Variants in CHD1L observed in about 807,000 individuals in gnomAD.
The protein encoded by CHD1L is ATP-dependent chromatin remodeler CHD1L.
Under a neutral mutation model 115.9 loss-of-function variants are expected in CHD1L, and 118 were observed. The ratio of observed to expected loss-of-function variants is 1.02; its 90% CI spans 0.88 to 1.19. The LOEUF is 1.19. CHD1L is among the 50% of genes most tolerant of loss of function. The pLI, the probability that CHD1L is intolerant of heterozygous loss-of-function variation, is 0.00. For synonymous variants in CHD1L, 411 were observed against 387.1 expected (o/e 1.06, Z -0.72); for missense variants, 1,179 against 1,065.3 (o/e 1.11, Z -1.49).
intron 14 of CHD1L, among the ~76,000 whole-genome samples, chr1:147,277,950 G>C (rs754313132): frequency 5.0e-4 from 76 of 152,232 alleles, no homozygotes; most frequent in Non-Finnish European, 9.0e-4. Flanking sequence ...GATGTGGGCT[G>C]CTGGACACAT....
At chr1:147,201,194 T>C in the CHD1L span, 2 of 1,614,040 alleles carry the variant, frequency 1.2e-6, no homozygotes, top group African/African-American at 1.3e-5. Context: ...AGCTCTGAAA[T>C]GGGCATAATG....
At chr1:147,285,533 C>T (rs1553965028) in intron 17 of CHD1L, 46 bp downstream of exon 17, 5 of 1,572,182 alleles carry the variant, frequency 3.2e-6, no homozygotes, top group Non-Finnish European at 2.6e-6. Flanking sequence ...GAAGGAGTCA[C>T]TATTGTATAG....
chr1:147,281,009 A>T (rs921597994), intron 15 of CHD1L, among the ~76,000 whole-genome samples: 7 of 152,084 alleles, frequency 4.6e-5, no homozygotes, highest in Admixed American at 3.3e-4. Context: ...TGGTAGTGGC[A>T]TGATTTCTGG....
At chr1:147,242,606 T>C (rs1665033771), upstream of CHD1L, 2 of 1,171,084 alleles carry the variant, frequency 1.7e-6, no homozygotes, top group Non-Finnish European at 2.1e-6. Context: ...GCCTCGCTCG[T>C]AGGTGGGCCC....
chr1:147,243,759 C>G (rs1665690340), intron 1 of CHD1L, among the ~76,000 whole-genome samples: 1 of 152,054 alleles, frequency 6.6e-6, no homozygotes, highest in Admixed American at 6.6e-5. Context: ...TAGGCATTGG[C>G]TACAAAGATG....
chr1:147,216,040 A>G, the CHD1L span: 1 of 800,212 alleles, frequency 1.2e-6, no homozygotes, highest in Non-Finnish European at 2.0e-6. Context: ...AAGAAGTGTC[A>G]ATTAAATCAC....
Position 147,280,008 on chromosome 1 carries a change from T to C in CHD1L, c.1540-18T>C. 5 of 1,613,342 alleles carry C rather than the reference T, an allele frequency of 3.1e-6. No homozygotes were observed. The highest frequency in any genetic ancestry group is 4.2e-6 in the Non-Finnish European group (5 of 1,179,952). On this transcript the variant is annotated intron_variant, in intron 14 of 22. Coordinates refer to ENST00000369258, the MANE Select transcript of CHD1L (RefSeq NM_004284.6). ...TTTCATGAGAATTTGCTGGACTTTT[T>C]TGTTTCCTCTATTCAAGTTGAGTGA...
chr1:147,254,957 T>A lies in CHD1L; in HGVS notation c.328T>A (p.Trp110Arg), dbSNP rs1669599810. ...TTGTCCCTTGTCTGTTTTGAGCAAC[T>A]GGAAAGAAGAAATGCAGAGGTACAG... The part of the protein sequence containing the change: ...ILCPLSVLSN[W>R]KEEMQRFAPG... Residue 110 changes from tryptophan to arginine, a missense_variant, in exon 3 of 23, where the codon TGG becomes AGG. Trp to Arg is a moderately radical substitution (Grantham distance 101, BLOSUM62 -3). Transcript: ENST00000369258. 6.2e-7 allele frequency: 1 copy of A among 1,604,056 alleles called. No individual in the cohort carries two copies. Among genetic ancestry groups the A allele is most frequent in the African/African-American group, 1.3e-5 (1 of 74,450 alleles).
At chr1:147,197,046 T>A in the CHD1L span, among the ~76,000 whole-genome samples, 1 of 152,212 alleles carries the variant, frequency 6.6e-6, no homozygotes, top group African/African-American at 2.4e-5. Context: ...GTTAAAATCC[T>A]TCAGTGGTTC....
At chr1:147,255,400 T>C (rs781798676) in intron 3 of CHD1L, among the ~76,000 whole-genome samples, 5 of 152,128 alleles carry the variant, frequency 3.3e-5, no homozygotes, top group Non-Finnish European at 7.4e-5. Flanking sequence ...GCTAATTTTG[T>C]ATTTTTAGTA....
the CHD1L span, among the ~76,000 whole-genome samples, chr1:147,199,443 C>T: frequency 3.3e-5 from 5 of 152,142 alleles, no homozygotes; most frequent in African/African-American, 1.2e-4. Context: ...GAGGAATTAG[C>T]ACTAGGCTTC....
At chr1:147,233,819 A>T in the CHD1L span, among the ~76,000 whole-genome samples, 1 of 151,944 alleles carries the variant, frequency 6.6e-6, no homozygotes, top group South Asian at 2.1e-4. Flanking sequence ...TCTCTGAAAC[A>T]TGTGCTGTGT....
chr1:147,284,656 T>C (rs1034834166), intron 16 of CHD1L, among the ~76,000 whole-genome samples, 157 bp downstream of exon 16: 14 of 152,140 alleles, frequency 9.2e-5, no homozygotes, highest in African/African-American at 3.1e-4. Flanking sequence ...TATACCCTAG[T>C]ATAAAAACTA....
chr1:147,205,210 C>G, the CHD1L span, among the ~76,000 whole-genome samples: 2 of 152,178 alleles, frequency 1.3e-5, no homozygotes, highest in African/African-American at 4.8e-5. Context: ...CCACCAAAAA[C>G]ATGCATGCTA....
chr1:147,178,242 CTCTGCGGG>C, the CHD1L span: 1 of 1,613,538 alleles, frequency 6.2e-7, no homozygotes, highest in Non-Finnish European at 8.5e-7. Flanking sequence ...CCGACACGGG[CTCTGCGGG>C]CCTCATGCTC....
chr1:147,220,944 CA>C, the CHD1L span, among the ~76,000 whole-genome samples: 21 of 137,322 alleles, frequency 1.5e-4, no homozygotes, highest in East Asian at 4.1e-4. Context: ...TTTAAGTTTC[CA>C]AAAAAAAAAA....
At chr1:147,192,930 A>AT in the CHD1L span, among the ~76,000 whole-genome samples, 1 of 152,094 alleles carries the variant, frequency 6.6e-6, no homozygotes, top group East Asian at 1.9e-4. Context: ...TTTATTGAGG[A>AT]TTTTTGCATC....
chr1:147,210,567 A>G, the CHD1L span: 1 of 152,186 alleles, frequency 6.6e-6, no homozygotes, highest in African/African-American at 2.4e-5. Flanking sequence ...TTGAAAGAGC[A>G]TATATGGTCT....
upstream of CHD1L, chr1:147,242,538 A>G (rs139067690): frequency 3.1e-6 from 2 of 654,960 alleles, no homozygotes; most frequent in Non-Finnish European, 4.3e-6. Context: ...GCCTGTCCGG[A>G]AGGGTGACTG....
Sources: gnomAD v4.1 joint callset for allele counts (sites outside exome capture counted in the v4.1 genomes callset) on GRCh38, gnomAD v4.1.1 for gene constraint, MANE v1.5 for transcripts, NCBI Gene and HGNC (gene_info 2026-07-23, HGNC 2026-07-21) for gene names.